The following CEP164 variants were observed in gnomAD, a reference collection of about 807,000 sequenced individuals.
CEP164 encodes the protein centrosomal protein of 164 kDa.
A neutral mutation model predicts 182.7 loss-of-function variants in CEP164; 162 were observed. The ratio of observed to expected loss-of-function variants is 0.89; its 90% CI spans 0.78 to 1.01. The LOEUF (loss-of-function observed/expected upper bound fraction) is 1.01, where lower values mean the gene tolerates loss of function less well. Among genes scored for constraint, CEP164 ranks in the 50% least tolerant of loss-of-function variants. The pLI is 0.00. For missense variants in CEP164, 1,735 were observed against 1,790.4 expected (o/e 0.97, Z 0.56); for synonymous variants, 661 against 690.0 (o/e 0.96, Z 0.66).
intron 1 of CEP164, among the ~76,000 whole-genome samples, chr11:117,330,742 A>G (rs76858861): frequency 0.019 from 2,882 of 152,360 alleles, 76 homozygotes; most frequent in East Asian, 0.1. Flanking sequence ...AGCAAGGTAG[A>G]ATAAACCCTT....
At chr11:117,390,044 G>A (rs916564737) in intron 15 of CEP164, among the ~76,000 whole-genome samples, 1 of 148,674 alleles carries the variant, frequency 6.7e-6, no homozygotes, top group Non-Finnish European at 1.5e-5. Flanking sequence ...CCAGGTTCCA[G>A]CAATTCTCCT....
At chr11:117,325,305 G>A (rs1419612852), upstream of CEP164, among the ~76,000 whole-genome samples, 3 of 151,528 alleles carry the variant, frequency 2.0e-5, no homozygotes, top group Non-Finnish European at 2.9e-5. Flanking sequence ...GGCTGGTCTT[G>A]AGCTCCTCAT....
chr11:117,408,002 G>A lies in CEP164; in HGVS notation c.3579G>A (p.Leu1193=), dbSNP rs1184336613. The A allele has an allele frequency of 6.3e-7, 1 of 1,596,930 alleles. No individual in the cohort carries two copies. The highest frequency in any genetic ancestry group is 1.3e-5 in the African/African-American group (1 of 74,752). ...TGCTGAAGAAGAAAGAGGAGAAGCT[G>A]AATCAGTTGGAGTCCTCTCTTTGGG... is the stretch of plus-strand genomic sequence containing the variant. ...HNLLKKKEEK[L]NQLESSLWEE... is the part of the protein sequence containing the mutation. Residue 1193 remains leucine, a synonymous_variant, in exon 28 of 33, where the codon CTG becomes CTA. Coordinates refer to ENST00000278935, the MANE Select transcript of CEP164 (RefSeq NM_014956.5).
Position 117,395,128 on chromosome 11 carries a change from G to A in CEP164, c.2850G>A (p.Glu950=), listed in dbSNP as rs942030231. 35 of 1,614,090 alleles carry A rather than the reference G, an allele frequency of 2.2e-5. No homozygotes were observed. Among genetic ancestry groups the A allele is most frequent in the Non-Finnish European group, 3.0e-5 (35 of 1,180,060 alleles). ...TCCTGTCTCTTCCCTGCAAGGAGGA[G>A]ACCGCCCGGAGGGAGAAGCAGCAGC... ...ARLALLEVQE[E]TARREKQQLL... Residue 950 remains glutamate, a synonymous_variant, in exon 23 of 33, where the codon GAG becomes GAA. Coordinates refer to ENST00000278935, the MANE Select transcript of CEP164 (RefSeq NM_014956.5).
intron 8 of CEP164, among the ~76,000 whole-genome samples, chr11:117,366,328 A>G (rs1383500779): frequency 1.3e-5 from 2 of 152,156 alleles, no homozygotes; most frequent in African/African-American, 4.8e-5. Flanking sequence ...GGTTAGTTCT[A>G]GCCTGTCTCA....
intron 27 of CEP164, among the ~76,000 whole-genome samples, chr11:117,405,360 T>C (rs1343933802): frequency 6.6e-6 from 1 of 152,196 alleles, no homozygotes; most frequent in Non-Finnish European, 1.5e-5. Flanking sequence ...CGGAATGCAC[T>C]GTCCCCCAAG....
intron 8 of CEP164, 147 bp from the exon 9 acceptor site, chr11:117,370,933 A>G: frequency 1.2e-6 from 1 of 802,294 alleles, no homozygotes; most frequent in Non-Finnish European, 1.9e-6. Flanking sequence ...AAAAAAATTA[A>G]CAACTGGGTG....
intron 5 of CEP164, among the ~76,000 whole-genome samples, chr11:117,354,424 GC>G (rs1488749911): frequency 1.3e-5 from 2 of 152,168 alleles, no homozygotes; most frequent in African/African-American, 4.8e-5. Flanking sequence ...TTGTGGTAGA[GC>G]CCTGTTTTCA....
At chr11:117,390,658 G>A in intron 15 of CEP164, 119 bp from the exon 16 acceptor site, 9 of 1,142,250 alleles carry the variant, frequency 7.9e-6, no homozygotes, top group South Asian at 1.6e-5. Context: ...AAAAAAAAAA[G>A]ATTTAGGAAG....
chr11:117,376,256 G>A (rs1334392878), intron 11 of CEP164, among the ~76,000 whole-genome samples: 2 of 151,636 alleles, frequency 1.3e-5, no homozygotes, highest in Non-Finnish European at 2.9e-5. Flanking sequence ...TGGTCCTGGA[G>A]GTTCACCTCT....
chr11:117,395,964 G>A (rs1380065781), intron 24 of CEP164, 90 bp from the exon 25 acceptor site: 8 of 1,554,164 alleles, frequency 5.1e-6, no homozygotes, highest in Admixed American at 3.5e-5. Flanking sequence ...ACGGATGGGA[G>A]TGAGGGGGTG....
At position 117,394,315 on chromosome 11, in the gene CEP164, G is replaced by T. The variant is rs1185350656; in HGVS notation, c.2617-35G>T. On this transcript the variant is annotated intron_variant, in intron 20 of 32. Transcript: ENST00000278935. This position sits in a 1 kb window ranked among gnomAD's most constrained non-coding sequence, Gnocchi z 4.0. ...GATTTTTGTGGTAGAAGGGGCTGCC[G>T]CAGCTTCCCACCGGTGGGCCCACCC... 7 of 1,565,834 alleles carry T rather than the reference G, an allele frequency of 4.5e-6. No homozygotes were observed. The highest frequency in any genetic ancestry group is 1.7e-4 in the Middle Eastern group (1 of 5,920).
intron 14 of CEP164, chr11:117,384,549 T>C (rs944499055): frequency 2.0e-5 from 3 of 152,230 alleles, no homozygotes; most frequent in Non-Finnish European, 2.9e-5. Context: ...CCGGGCTCAG[T>C]TGGGGCCTTG....
chr11:117,351,369 C>T (rs1024141044), intron 4 of CEP164, among the ~76,000 whole-genome samples: 5 of 152,156 alleles, frequency 3.3e-5, no homozygotes, highest in Non-Finnish European at 7.3e-5. Context: ...TCTCACAATG[C>T]ATTATTCTTC....
At chr11:117,332,564 G>C (rs577888828) in intron 1 of CEP164, among the ~76,000 whole-genome samples, 3 of 152,216 alleles carry the variant, frequency 2.0e-5, no homozygotes, top group Admixed American at 2.0e-4. Context: ...CAACAAGAGC[G>C]AAACTCCTCT....
intron 4 of CEP164, among the ~76,000 whole-genome samples, chr11:117,350,178 G>A (rs1015479184): frequency 6.6e-6 from 1 of 152,110 alleles, no homozygotes; most frequent in Non-Finnish European, 1.5e-5. Flanking sequence ...CAAAGTGCTG[G>A]GATTATAGGT....
chr11:117,349,570 C>T (rs532496402), intron 4 of CEP164, among the ~76,000 whole-genome samples: 2 of 152,070 alleles, frequency 1.3e-5, no homozygotes, highest in Non-Finnish European at 2.9e-5. Flanking sequence ...ACTGCAGCCT[C>T]GAACAGCTGG....
intron 1 of CEP164, among the ~76,000 whole-genome samples, chr11:117,328,874 C>A (rs145735396): frequency 6.6e-6 from 1 of 152,196 alleles, no homozygotes; most frequent in Non-Finnish European, 1.5e-5. Flanking sequence ...TCACAGTGTT[C>A]TGGCTTTAGT....
intron 12 of CEP164, 123 bp from the exon 13 acceptor site, chr11:117,381,572 TGTGGGG>T: frequency 9.1e-7 from 1 of 1,101,188 alleles, no homozygotes; most frequent in Non-Finnish European, 1.3e-6. Context: ...CATGGATGGA[TGTGGGG>T]GTGGGGCTGG....
Sources: allele counts gnomAD v4.1 joint callset (sites outside exome capture counted in the v4.1 genomes callset), GRCh38; gene constraint gnomAD v4.1.1; non-coding constraint Gnocchi (gnomAD v3.1); transcripts MANE v1.5; gene names NCBI Gene and HGNC (gene_info 2026-07-23, HGNC 2026-07-21).